Variants in COL24A1 observed in about 807,000 individuals in gnomAD.
COL24A1 encodes the protein collagen alpha-1(XXIV) chain.
COL24A1 carries 224 observed loss-of-function variants against 253.9 expected under a neutral mutation model. The observed-to-expected ratio is 0.88, with a 90% CI of 0.79 to 0.99. COL24A1 has a LOEUF of 0.99. COL24A1 is among the 50% of genes least tolerant of loss of function. COL24A1 has a pLI of 0.00. For synonymous variants in COL24A1, 685 were observed against 673.7 expected (o/e 1.02, Z -0.26); for missense variants, 2,131 against 2,068.5 (o/e 1.03, Z -0.59).
intron 47 of COL24A1, among the ~76,000 whole-genome samples, chr1:85,802,240 G>A (rs1363705528): frequency 6.6e-6 from 1 of 152,130 alleles, no homozygotes; most frequent in Non-Finnish European, 1.5e-5. Context: ...ACTCTCTTTA[G>A]ATAATGCTCA....
In COL24A1 at chr1:85,816,292, A is replaced by G. The variant is rs541673407; in HGVS notation, c.3951+496T>C. 3.9e-5 allele frequency among the ~76,000 whole-genome samples: 6 copies of G among 152,382 alleles called. No homozygotes were observed. The East Asian group carries it at 1.2e-3, about 29-fold the overall frequency. On this transcript the variant is annotated intron_variant, in intron 47 of 59. Coordinates refer to ENST00000370571, the MANE Select transcript of COL24A1 (RefSeq NM_152890.7). ...TATATAGCATGAAGAATTACACATC[A>G]GAAGAGAGACAGCTGATGGACCTAT...
chr1:86,005,501 T>A (rs1240465702), intron 19 of COL24A1, among the ~76,000 whole-genome samples: 2 of 152,008 alleles, frequency 1.3e-5, no homozygotes, highest in Non-Finnish European at 2.9e-5. Context: ...AGAAGGGATA[T>A]ACAAATTGAA....
chr1:85,945,854 C>T (rs973018294), intron 24 of COL24A1, among the ~76,000 whole-genome samples: 20 of 151,928 alleles, frequency 1.3e-4, no homozygotes, highest in African/African-American at 3.6e-4. Flanking sequence ...TTGGAAGATA[C>T]GATATAATTC....
chr1:86,094,878 A>G (rs1703790567), intron 5 of COL24A1, among the ~76,000 whole-genome samples: 1 of 152,104 alleles, frequency 6.6e-6, no homozygotes, highest in South Asian at 2.1e-4. Flanking sequence ...AAAAGAAGCA[A>G]TAAAGCCCAG....
chr1:86,100,446 T>A (rs538571100), intron 5 of COL24A1, among the ~76,000 whole-genome samples: 2 of 152,178 alleles, frequency 1.3e-5, no homozygotes, highest in Non-Finnish European at 2.9e-5. Context: ...TTTACCATTT[T>A]TTAAAATAAT....
chr1:86,046,237 A>G (rs1699890516), intron 12 of COL24A1, among the ~76,000 whole-genome samples: 1 of 152,192 alleles, frequency 6.6e-6, no homozygotes, highest in African/African-American at 2.4e-5. Context: ...CACAGACTAT[A>G]CTAGCTTAAC....
chr1:85,730,582 C>T lies in COL24A1; in HGVS notation c.5109G>A (p.Lys1703=), dbSNP rs2100769464. 6.2e-7 allele frequency: 1 copy of T among 1,613,962 alleles called. No individual in the cohort carries two copies. The highest frequency in any genetic ancestry group is 8.5e-7 in the Non-Finnish European group (1 of 1,179,892). The change falls in exon 60 of 60, where the codon AAG becomes AAA. Residue 1703 remains lysine, a synonymous_variant. Coordinates refer to ENST00000370571, the MANE Select transcript of COL24A1 (RefSeq NM_152890.7). ...ATACAGAACTGCTGTCAATGTAATA[C>T]TTTCGTTCAGTTTTGAGATGAGGAA... ...QKLPHLKTER[K]YYIDSSSVCF...
intron 47 of COL24A1, among the ~76,000 whole-genome samples, chr1:85,797,959 G>A (rs1339477647): frequency 6.6e-6 from 1 of 152,130 alleles, no homozygotes; most frequent in East Asian, 1.9e-4. Context: ...TTGGGAGGCC[G>A]AGGTGGGATA....
At chr1:85,862,499 T>C (rs533684142) in intron 37 of COL24A1, among the ~76,000 whole-genome samples, 38 of 152,304 alleles carry the variant, frequency 2.5e-4, no homozygotes, top group African/African-American at 8.9e-4. Context: ...AATGGGGCCC[T>C]GCTAACTTAG....
intron 24 of COL24A1, among the ~76,000 whole-genome samples, chr1:85,946,065 G>A (rs1055356023): frequency 2.6e-5 from 4 of 152,090 alleles, no homozygotes; most frequent in Non-Finnish European, 4.4e-5. Flanking sequence ...AACTGTTTGT[G>A]CAAACAATAT....
At chr1:85,767,061 G>A (rs571933197) in intron 53 of COL24A1, among the ~76,000 whole-genome samples, 31 of 151,804 alleles carry the variant, frequency 2.0e-4, no homozygotes, top group East Asian at 3.9e-4. Context: ...CCAAGACTGC[G>A]CCACTGCACT....
At chr1:86,014,156 T>C (rs185608204) in intron 19 of COL24A1, among the ~76,000 whole-genome samples, 3 of 152,372 alleles carry the variant, frequency 2.0e-5, no homozygotes, top group African/African-American at 7.2e-5. Flanking sequence ...GTCCTCTAAA[T>C]GTTGCTTCAG....
At chr1:86,155,605 C>G (rs1006226252) in intron 1 of COL24A1, 5 of 152,310 alleles carry the variant, frequency 3.3e-5, no homozygotes, top group African/African-American at 9.6e-5. Context: ...CCGTCAGGAC[C>G]CGCCCAAAAC....
intron 19 of COL24A1, 63 bp downstream of exon 19, chr1:86,017,088 A>G (rs866716229): frequency 4.2e-6 from 6 of 1,419,450 alleles, no homozygotes; most frequent in Middle Eastern, 1.8e-4. Context: ...AACATGTTTT[A>G]TCAAACAAGT....
intron 1 of COL24A1, among the ~76,000 whole-genome samples, chr1:86,150,588 A>G (rs11161755): frequency 0.083 from 12,553 of 152,022 alleles, 611 homozygotes; most frequent in East Asian, 0.22. Flanking sequence ...CTTAATTTTC[A>G]TTTTAGCTTT....
intron 35 of COL24A1, among the ~76,000 whole-genome samples, chr1:85,873,680 G>A (rs188549664): frequency 5.9e-5 from 9 of 152,248 alleles, no homozygotes; most frequent in African/African-American, 1.9e-4. Context: ...ACACACTGTC[G>A]TGGGGTAGGG....
chr1:86,081,585 A>C (rs1005221264), intron 7 of COL24A1, among the ~76,000 whole-genome samples: 4 of 152,154 alleles, frequency 2.6e-5, no homozygotes, highest in Non-Finnish European at 5.9e-5. Context: ...TTATCACTGC[A>C]AAACAAGGAA....
chr1:86,115,347 G>A lies in COL24A1; in HGVS notation c.1523C>T (p.Pro508Leu), dbSNP rs377469635. 50 of 1,613,722 alleles carry A rather than the reference G, an allele frequency of 3.1e-5. No individual in the cohort carries two copies. Among genetic ancestry groups the A allele is most frequent in the African/African-American group, 9.3e-5 (7 of 74,900 alleles). Residue 508 changes from proline to leucine, a missense_variant, in exon 4 of 60, where the codon CCG becomes CTG. Transcript: ENST00000370571. ...GPPGPAGIPG[P>L]SGKRGPRGIP... is the part of the protein sequence containing the mutation. ...TACCCGTGGACCTCTCTTCCCTGACGGACCTGGGATACCTGCTGGACCAGG... is the reference window on the plus strand; with the variant it reads ...TACCCGTGGACCTCTCTTCCCTGACAGACCTGGGATACCTGCTGGACCAGG...
At chr1:86,000,191 C>T (rs1383990368) in intron 19 of COL24A1, among the ~76,000 whole-genome samples, 1 of 152,080 alleles carries the variant, frequency 6.6e-6, no homozygotes, top group Non-Finnish European at 1.5e-5. Flanking sequence ...CTCTATGAAC[C>T]CTTCTCTATC....
Sources: gnomAD v4.1 joint callset for allele counts (sites outside exome capture counted in the v4.1 genomes callset) on GRCh38, gnomAD v4.1.1 for gene constraint, MANE v1.5 for transcripts, NCBI Gene and HGNC (gene_info 2026-07-23, HGNC 2026-07-21) for gene names.